Variants in UBE2H observed in about 807,000 individuals in gnomAD.
UBE2H encodes the protein ubiquitin conjugating enzyme E2 H, also known as ubiquitin-conjugating enzyme E2 H.
UBE2H carries 3 observed loss-of-function variants against 29.0 expected under a neutral mutation model. That is an observed-to-expected ratio of 0.10 (90% CI 0.05 to 0.27). The LOEUF is 0.27. Ranked by LOEUF, UBE2H falls within the 10% of genes least tolerant of loss-of-function variation. UBE2H has a pLI of 1.00. For missense variants in UBE2H, 68 were observed against 228.2 expected, an observed-to-expected ratio of 0.30 and a Z score of 4.52; for synonymous variants, 69 against 82.9, an observed-to-expected ratio of 0.83 and a Z score of 0.91.
chr7:129,904,566 T>C (rs948541015), intron 1 of UBE2H, among the ~76,000 whole-genome samples: 14 of 152,230 alleles, frequency 9.2e-5, no homozygotes, highest in African/African-American at 3.4e-4. Context: ...TGTCTTTTTA[T>C]ATCCTCCCTC....
At chr7:129,942,850 T>G (rs1246882200) in intron 1 of UBE2H, among the ~76,000 whole-genome samples, 11 of 152,264 alleles carry the variant, frequency 7.2e-5, no homozygotes, top group East Asian at 1.9e-4. Context: ...TGTTTTTTTT[T>G]TTGTTTTTTG....
At chr7:129,916,158 A>T (rs1807039828) in intron 1 of UBE2H, among the ~76,000 whole-genome samples, 2 of 152,190 alleles carry the variant, frequency 1.3e-5, no homozygotes, top group African/African-American at 4.8e-5. Flanking sequence ...AGGTAATTAT[A>T]TTCATTCCAG....
intron 1 of UBE2H, among the ~76,000 whole-genome samples, chr7:129,883,838 T>A (rs1806303628): frequency 6.6e-6 from 1 of 152,022 alleles, no homozygotes; most frequent in Admixed American, 6.6e-5. Context: ...TGAGACTCCG[T>A]CTCAAAAAAA....
intron 3 of UBE2H, among the ~76,000 whole-genome samples, chr7:129,860,036 TGAA>T (rs1457516755): frequency 6.6e-6 from 1 of 152,200 alleles, no homozygotes; most frequent in African/African-American, 2.4e-5. Flanking sequence ...ACCTGCAATC[TGAA>T]TAAAGTATTG....
At chr7:129,910,836 C>T (rs1321899863) in intron 1 of UBE2H, among the ~76,000 whole-genome samples, 6 of 151,898 alleles carry the variant, frequency 4.0e-5, no homozygotes, top group South Asian at 2.1e-4. Context: ...GAGCAGAGAG[C>T]ACACCACCGT....
intron 1 of UBE2H, among the ~76,000 whole-genome samples, chr7:129,935,566 A>G (rs920343771): frequency 1.1e-4 from 16 of 152,220 alleles, no homozygotes; most frequent in African/African-American, 3.9e-4. Flanking sequence ...TTAAATTAAC[A>G]GGGTAAATAC....
At chr7:129,919,759 C>T (rs1807120152) in intron 1 of UBE2H, among the ~76,000 whole-genome samples, 1 of 152,206 alleles carries the variant, frequency 6.6e-6, no homozygotes. Context: ...AGCCATGTCT[C>T]ACCTCTCTTG....
intron 1 of UBE2H, among the ~76,000 whole-genome samples, chr7:129,935,431 CAG>C (rs1268865081): frequency 7.0e-6 from 1 of 142,438 alleles, no homozygotes; most frequent in Non-Finnish European, 1.5e-5. Flanking sequence ...AAAAAAAAAA[CAG>C]AAAAGAAAAT....
At chr7:129,852,052 T>C (rs1805620259) in intron 5 of UBE2H, among the ~76,000 whole-genome samples, 1 of 152,226 alleles carries the variant, frequency 6.6e-6, no homozygotes, top group South Asian at 2.1e-4. Flanking sequence ...ACGTTTGTGA[T>C]TCAACATGGA....
intron 3 of UBE2H, among the ~76,000 whole-genome samples, chr7:129,867,578 T>C (rs1237680022): frequency 7.6e-5 from 7 of 92,546 alleles, no homozygotes; most frequent in African/African-American, 2.1e-4. Context: ...AGGGATAGCA[T>C]TGGGAGATAT....
rs999334133 is a variant in UBE2H, at chr7:129,909,084, T to A, written c.54-28113A>T. On this transcript the variant is annotated intron_variant, in intron 1 of 6. Transcript: ENST00000355621. ...GCTTTTACTAAAAAAAGTAAGTGCA[T>A]TCAGAGTTTTAATTGAGACACTAAA... 3.3e-5 allele frequency among the ~76,000 whole-genome samples: 5 copies of A among 152,220 alleles called. No homozygotes were observed. In the East Asian group the frequency reaches 5.8e-4, roughly 18 times the overall value.
intron 1 of UBE2H, among the ~76,000 whole-genome samples, chr7:129,887,802 G>GGTT (rs1806394329): frequency 6.6e-6 from 1 of 152,046 alleles, no homozygotes; most frequent in Middle Eastern, 3.2e-3. Flanking sequence ...GGGAGGCGGA[G>GGTT]ATTACGGTGA....
intron 1 of UBE2H, among the ~76,000 whole-genome samples, chr7:129,916,995 C>T (rs1807056985): frequency 6.7e-6 from 1 of 149,856 alleles, no homozygotes; most frequent in Non-Finnish European, 1.5e-5. Flanking sequence ...CGAGATCACA[C>T]CACTGCACTT....
intron 1 of UBE2H, among the ~76,000 whole-genome samples, chr7:129,938,334 CAGG>C (rs1226366864): frequency 2.2e-5 from 3 of 134,270 alleles, no homozygotes; most frequent in African/African-American, 8.4e-5. Flanking sequence ...GCTTTGCACC[CAGG>C]AGGTCAAGGC....
chr7:129,886,240 T>A (rs1406773521), intron 1 of UBE2H, among the ~76,000 whole-genome samples: 1 of 152,228 alleles, frequency 6.6e-6, no homozygotes, highest in Admixed American at 6.5e-5. Flanking sequence ...ATCACCATTT[T>A]GTGTAGAATA....
At chr7:129,840,780 T>C (rs550615069) in intron 5 of UBE2H, among the ~76,000 whole-genome samples, 19 of 152,220 alleles carry the variant, frequency 1.2e-4, no homozygotes, top group Non-Finnish European at 2.1e-4. Context: ...GTATACTAAG[T>C]AGCATAAAAA....
At chr7:129,927,178 AAC>A (rs1807287151) in intron 1 of UBE2H, among the ~76,000 whole-genome samples, 1 of 152,238 alleles carries the variant, frequency 6.6e-6, no homozygotes, top group Non-Finnish European at 1.5e-5. Flanking sequence ...TACAGAATAA[AAC>A]AGAGACACTA....
chr7:129,873,762 G>A (rs547877760), intron 3 of UBE2H, among the ~76,000 whole-genome samples: 2 of 152,128 alleles, frequency 1.3e-5, no homozygotes, highest in East Asian at 3.9e-4. Flanking sequence ...ATGGCAGCAC[G>A]AGCTTGCTGG....
intron 1 of UBE2H, among the ~76,000 whole-genome samples, chr7:129,945,232 C>G (rs1807739417): frequency 6.6e-6 from 1 of 152,186 alleles, no homozygotes; most frequent in Non-Finnish European, 1.5e-5. Context: ...TCAAAAGTAT[C>G]ACTTTAAATA....
Sources: allele counts gnomAD v4.1 joint callset (sites outside exome capture counted in the v4.1 genomes callset), GRCh38; gene constraint gnomAD v4.1.1; transcripts MANE v1.5; gene names NCBI Gene and HGNC (gene_info 2026-07-23, HGNC 2026-07-21).